Variants in DIXDC1 observed in about 807,000 individuals in gnomAD.
The protein encoded by DIXDC1 is dixin.
In DIXDC1, 64 loss-of-function variants were observed where a neutral mutation model predicts 103.1. The ratio of observed to expected loss-of-function variants is 0.62; its 90% CI spans 0.51 to 0.76. The LOEUF is 0.76. Ranked by LOEUF, DIXDC1 falls within the 30% of genes least tolerant of loss-of-function variation. The probability of loss-of-function intolerance (pLI) is 0.00; values close to 1 mark genes in which losing one functional copy is unlikely to be tolerated. For missense variants in DIXDC1, 759 were observed against 834.2 expected, an observed-to-expected ratio of 0.91 and a Z score of 1.11; for synonymous variants, 266 against 298.5, an observed-to-expected ratio of 0.89 and a Z score of 1.12.
At chr11:112,000,945 C>G (rs1861047243) in intron 17 of DIXDC1, among the ~76,000 whole-genome samples, 1 of 152,064 alleles carries the variant, frequency 6.6e-6, no homozygotes, top group Non-Finnish European at 1.5e-5. Flanking sequence ...CATGGAGTTA[C>G]CATATGACCC....
rs369650822 is a variant in DIXDC1, at chr11:111,974,942, C to T, written c.615C>T (p.Tyr205=). Residue 205 remains tyrosine (Y), a synonymous_variant, in exon 5 of 20, where the codon TAC becomes TAT. Coordinates refer to ENST00000440460, the MANE Select transcript of DIXDC1 (RefSeq NM_001037954.4). ...GTGTGCGGGCCCTAGTGCAGCAGTA[C>T]GAAGGGCAACAAAGGTCCCCGTCTG... ...YWSVRALVQQ[Y]EGQQRSPSES... The T allele has an allele frequency of 6.8e-6, 11 of 1,613,202 alleles. No individual in the cohort carries two copies. In the Middle Eastern group the frequency reaches 8.3e-4, roughly 122 times the overall value.
chr11:111,974,136 C>A lies in DIXDC1; in HGVS notation c.430C>A (p.Leu144Met). 2 of 1,614,060 alleles carry A rather than the reference C, an allele frequency of 1.2e-6. No individual in the cohort carries two copies. The highest frequency in any genetic ancestry group is 8.5e-7 in the Non-Finnish European group (1 of 1,179,912). Residue 144 changes from leucine (L) to methionine (M), a missense_variant, in exon 4 of 20, where the codon CTG becomes ATG. By Grantham distance (15) the Leu-to-Met change is conservative. Coordinates refer to ENST00000440460, the MANE Select transcript of DIXDC1 (RefSeq NM_001037954.4). ...VNQGRDSRAP[L>M]QSHRPHCATA... Reference sequence around the variant, plus strand: ...CCAAGGACGGGACTCCAGAGCCCCTCTGCAAAGTCACCGACCACACTGTGC... The same window carrying A: ...CCAAGGACGGGACTCCAGAGCCCCTATGCAAAGTCACCGACCACACTGTGC...
At chr11:111,927,808 G>A (rs587705250) in intron 1 of DIXDC1, among the ~76,000 whole-genome samples, 1 of 151,964 alleles carries the variant, frequency 6.6e-6, no homozygotes, top group Admixed American at 6.5e-5. Flanking sequence ...CTGAGGTCTG[G>A]AGTTCGAGAC....
chr11:111,974,757 G>C (rs782624004), intron 4 of DIXDC1, 119 bp from the exon 5 acceptor site: 20 of 1,481,642 alleles, frequency 1.3e-5, no homozygotes, highest in East Asian at 2.5e-5. Context: ...TTTGAGGCAG[G>C]GGTTTTGTCT....
At chr11:111,944,297 T>C (rs1280273251) in intron 1 of DIXDC1, among the ~76,000 whole-genome samples, 2 of 152,218 alleles carry the variant, frequency 1.3e-5, no homozygotes, top group African/African-American at 4.8e-5. Flanking sequence ...TTTGCTTTTC[T>C]TGTTGCCAGC....
At chr11:111,978,496 G>A (rs932902082) in intron 5 of DIXDC1, among the ~76,000 whole-genome samples, 18 of 151,024 alleles carry the variant, frequency 1.2e-4, no homozygotes, top group African/African-American at 4.4e-4. Context: ...CACATTGGCA[G>A]CCTCAATTCA....
At chr11:111,985,458 C>A in intron 8 of DIXDC1, 137 bp downstream of exon 8, 1 of 674,914 alleles carries the variant, frequency 1.5e-6, no homozygotes, top group Non-Finnish European at 2.5e-6. Flanking sequence ...CATTTTTGAC[C>A]ATTGTTTCCT....
chr11:111,947,967 A>G (rs1321676025), intron 1 of DIXDC1, among the ~76,000 whole-genome samples: 1 of 152,220 alleles, frequency 6.6e-6, no homozygotes, highest in Admixed American at 6.5e-5. Context: ...AGCCTGGGCA[A>G]CATAGCAAGG....
chr11:111,982,532 A>G (rs782553870), intron 7 of DIXDC1, 45 bp downstream of exon 7: 9 of 1,591,156 alleles, frequency 5.7e-6, no homozygotes, highest in Non-Finnish European at 6.9e-6. Context: ...CCAATTGATT[A>G]TTAAGTCAGT....
chr11:111,947,588 T>G, intron 1 of DIXDC1, among the ~76,000 whole-genome samples: 1 of 152,178 alleles, frequency 6.6e-6, no homozygotes, highest in East Asian at 1.9e-4. Context: ...GGATGAGAAG[T>G]ACAGATATCT....
chr11:111,966,158 CCA>C (rs1859718731), intron 2 of DIXDC1, among the ~76,000 whole-genome samples: 1 of 150,754 alleles, frequency 6.6e-6, no homozygotes, highest in Non-Finnish European at 1.5e-5. Context: ...TCTTATTTTT[CCA>C]AAACCTAGGC....
intron 1 of DIXDC1, among the ~76,000 whole-genome samples, chr11:111,953,942 G>A (rs1041149564): frequency 6.6e-6 from 1 of 151,856 alleles, no homozygotes; most frequent in African/African-American, 2.4e-5. Context: ...CGTCTGTACT[G>A]AGTAGCTACA....
chr11:112,013,338 G>GT (rs1861489972), intron 17 of DIXDC1, among the ~76,000 whole-genome samples: 1 of 133,498 alleles, frequency 7.5e-6, no homozygotes, highest in Non-Finnish European at 1.6e-5. Context: ...GGGGTGGGGG[G>GT]GGGGAACAAA....
intron 17 of DIXDC1, among the ~76,000 whole-genome samples, chr11:112,012,840 T>C (rs1555177339): frequency 6.6e-6 from 1 of 152,226 alleles, no homozygotes; most frequent in African/African-American, 2.4e-5. Flanking sequence ...TCTTCATTAG[T>C]CATCTGAATC....
chr11:111,975,802 T>A (rs1382181605), intron 5 of DIXDC1: 1 of 985,326 alleles, frequency 1.0e-6, no homozygotes, highest in Admixed American at 6.1e-5. Flanking sequence ...TCCTCCTATT[T>A]TTTTCTCATA....
At chr11:111,986,616 G>A (rs961517352) in intron 8 of DIXDC1, among the ~76,000 whole-genome samples, 1 of 151,684 alleles carries the variant, frequency 6.6e-6, no homozygotes, top group Non-Finnish European at 1.5e-5. Context: ...TGCCTGCCTC[G>A]GCCTCCCAAA....
chr11:111,992,112 T>TTC (rs1377994279), intron 10 of DIXDC1, among the ~76,000 whole-genome samples: 1 of 152,178 alleles, frequency 6.6e-6, no homozygotes, highest in Non-Finnish European at 1.5e-5. Context: ...AGTCCAGTCT[T>TTC]TCTCTCTCGA....
intron 7 of DIXDC1, among the ~76,000 whole-genome samples, chr11:111,982,924 AG>A (rs1440421277): frequency 6.6e-6 from 1 of 152,246 alleles, no homozygotes; most frequent in Non-Finnish European, 1.5e-5. Flanking sequence ...AATTTAGCTA[AG>A]GGATTTAGCT....
At chr11:111,989,407 G>A (rs1396026723) in intron 10 of DIXDC1, among the ~76,000 whole-genome samples, 7 of 151,972 alleles carry the variant, frequency 4.6e-5, no homozygotes, top group African/African-American at 1.4e-4. Flanking sequence ...GGCGGATCAC[G>A]AGGTCAGGAG....
Sources: gnomAD v4.1 joint callset for allele counts (sites outside exome capture counted in the v4.1 genomes callset) on GRCh38, gnomAD v4.1.1 for gene constraint, MANE v1.5 for transcripts, NCBI Gene and HGNC (gene_info 2026-07-23, HGNC 2026-07-21) for gene names.